The following CXADR variants were observed in gnomAD, a reference collection of about 807,000 sequenced individuals.
The protein encoded by CXADR is coxsackievirus and adenovirus receptor.
A neutral mutation model predicts 40.3 loss-of-function variants in CXADR; 20 were observed. That is an observed-to-expected ratio of 0.50 (90% CI 0.35 to 0.72). The LOEUF (loss-of-function observed/expected upper bound fraction) is 0.72. CXADR is among the 30% of genes least tolerant of loss of function. The probability of loss-of-function intolerance (pLI) is 0.01; values close to 1 mark genes in which losing one functional copy is unlikely to be tolerated. For missense variants in CXADR, 332 were observed against 449.1 expected (o/e 0.74, Z 2.36); for synonymous variants, 150 against 161.3 (o/e 0.93, Z 0.53).
At chr21:17,528,372 C>A (rs1426588760) in intron 1 of CXADR, among the ~76,000 whole-genome samples, 10 of 151,814 alleles carry the variant, frequency 6.6e-5, no homozygotes, top group Admixed American at 6.6e-4. Context: ...CCGCGCCCGG[C>A]ATGCTTAGTT....
downstream of CXADR, among the ~76,000 whole-genome samples, chr21:17,572,219 A>AAC (rs2061283238): frequency 6.7e-6 from 1 of 149,986 alleles, no homozygotes; most frequent in East Asian, 2.0e-4. Context: ...AAAAAAAAAA[A>AAC]AATTAGGCAG....
At chr21:17,517,528 C>A (rs771411970) in intron 1 of CXADR, among the ~76,000 whole-genome samples, 9 of 152,144 alleles carry the variant, frequency 5.9e-5, no homozygotes, top group Non-Finnish European at 1.2e-4. Flanking sequence ...AGCACATTCC[C>A]AATTTCAACC....
At position 17,581,548 on chromosome 21, in the gene CXADR, A is replaced by T. The variant is rs180891414; in HGVS notation, c.1018-11604A>T. ...CAGTTGAGCATCTTTTTCTTTGTTT[A>T]AAAACATTTGTAGGACCAGACACGG... On this transcript the variant is annotated intron_variant, in intron 7 of 7. Coordinates refer to the CXADR transcript ENST00000400169. 2.4e-3 allele frequency among the ~76,000 whole-genome samples: 359 copies of T among 152,262 alleles called. 3 individuals carry two copies. The highest frequency in any genetic ancestry group is 8.1e-3 in the African/African-American group (337 of 41,544).
chr21:17,620,165 G>A, the CXADR span, among the ~76,000 whole-genome samples: 21 of 152,154 alleles, frequency 1.4e-4, no homozygotes, highest in African/African-American at 1.9e-4. Flanking sequence ...AGCCTGTCTC[G>A]ACTGACTTTT....
chr21:17,630,667 T>TTG, the CXADR span, among the ~76,000 whole-genome samples: 1 of 150,916 alleles, frequency 6.6e-6, no homozygotes, highest in East Asian at 1.9e-4. Flanking sequence ...TTTTTTTTTT[T>TTG]TGGTTTCTCA....
chr21:17,562,818 C>T (rs2061143047), intron 6 of CXADR, among the ~76,000 whole-genome samples: 1 of 152,210 alleles, frequency 6.6e-6, no homozygotes, highest in African/African-American at 2.4e-5. Context: ...TTTCCCTAAA[C>T]TCATTAACCA....
chr21:17,626,353 C>A, the CXADR span, among the ~76,000 whole-genome samples: 1 of 152,112 alleles, frequency 6.6e-6, no homozygotes, highest in African/African-American at 2.4e-5. Context: ...AAAATTGGTT[C>A]CTGGACCATC....
intron 3 of CXADR, among the ~76,000 whole-genome samples, chr21:17,554,961 T>C (rs1482984682): frequency 6.6e-6 from 1 of 152,130 alleles, no homozygotes; most frequent in Non-Finnish European, 1.5e-5. Flanking sequence ...AGATGATTGA[T>C]AGTCGTCTGG....
chr21:17,600,134 G>A, the CXADR span, among the ~76,000 whole-genome samples: 2 of 151,640 alleles, frequency 1.3e-5, no homozygotes, highest in Admixed American at 6.6e-5. Context: ...ATATGCTGCT[G>A]GTTACTTAAA....
downstream of CXADR, among the ~76,000 whole-genome samples, chr21:17,573,903 A>G (rs1256939562): frequency 6.8e-6 from 1 of 147,898 alleles, no homozygotes; most frequent in Non-Finnish European, 1.5e-5. Context: ...CAGACCCTGT[A>G]AAAAAGAAAA....
At chr21:17,574,335 T>G (rs543092071), downstream of CXADR, among the ~76,000 whole-genome samples, 64 of 152,298 alleles carry the variant, frequency 4.2e-4, no homozygotes, top group African/African-American at 1.5e-3. Context: ...GAATGCTCTA[T>G]ACATAGTCCA....
rs2824379 is a variant in CXADR at position 17,589,789 on chromosome 21, A to G, written c.1018-3363A>G. ...TGAGTACTTCTGTAGATAAATTTCT[A>G]GAAGTACGTACAATTGCTTGATCAA... On this transcript the variant is annotated intron_variant, in intron 7 of 7. Transcript: ENST00000400169. Among the ~76,000 whole-genome samples the G allele has an allele frequency of 4.4e-3, 675 of 152,174 alleles. 22 individuals carry two copies. In the East Asian group the frequency reaches 0.08, roughly 18 times the overall value.
chr21:17,525,576 T>C (rs948012937), intron 1 of CXADR, among the ~76,000 whole-genome samples: 9 of 152,252 alleles, frequency 5.9e-5, no homozygotes, highest in South Asian at 2.1e-4. Context: ...GGGAGATTTC[T>C]GTCAAGGACC....
At chr21:17,607,888 T>C in the CXADR span, among the ~76,000 whole-genome samples, 1 of 152,250 alleles carries the variant, frequency 6.6e-6, no homozygotes, top group Non-Finnish European at 1.5e-5. Flanking sequence ...ACAGTGAGCA[T>C]GCCAGGGCAT....
intron 6 of CXADR, among the ~76,000 whole-genome samples, chr21:17,564,321 TA>T (rs35399069): frequency 0.015 from 2,054 of 138,788 alleles, 28 homozygotes; most frequent in African/African-American, 0.04. Flanking sequence ...ATGTCTCTAT[TA>T]AAAAAAAAAA....
intron 7 of CXADR, among the ~76,000 whole-genome samples, chr21:17,585,206 A>G (rs972843388): frequency 4.6e-5 from 7 of 152,210 alleles, no homozygotes; most frequent in South Asian, 2.1e-4. Flanking sequence ...TGACATTGAT[A>G]TGCATTGAGA....
At chr21:17,525,712 G>A (rs953530154) in intron 1 of CXADR, among the ~76,000 whole-genome samples, 11 of 152,212 alleles carry the variant, frequency 7.2e-5, no homozygotes, top group Admixed American at 7.2e-4. Flanking sequence ...AAATCTGGAT[G>A]AGCAAAATGA....
At chr21:17,514,027 A>C (rs992744231) in intron 1 of CXADR, among the ~76,000 whole-genome samples, 1 of 152,188 alleles carries the variant, frequency 6.6e-6, no homozygotes, top group Non-Finnish European at 1.5e-5. Flanking sequence ...TGCGTGGACC[A>C]TTAGGAGGCG....
At chr21:17,518,579 C>T in intron 1 of CXADR, 10 of 1,249,274 alleles carry the variant, frequency 8.0e-6, no homozygotes, top group South Asian at 2.4e-5. Context: ...GGAACATCAT[C>T]ATCCTCCTCA....
Sources: gnomAD v4.1 joint callset for allele counts (sites outside exome capture counted in the v4.1 genomes callset) on GRCh38, gnomAD v4.1.1 for gene constraint, MANE v1.5 for transcripts, NCBI Gene and HGNC (gene_info 2026-07-23, HGNC 2026-07-21) for gene names.